EML6: variants seen among roughly 807,000 people sequenced by gnomAD.
The protein encoded by EML6 is echinoderm microtubule-associated protein-like 6.
In EML6, 154 loss-of-function variants were observed where a neutral mutation model predicts 240.1. The ratio of observed to expected loss-of-function variants is 0.64; its 90% confidence interval spans 0.56 to 0.73. EML6 has a LOEUF of 0.73. EML6 is among the 30% of genes least tolerant of loss of function. EML6 has a pLI of 0.00. For missense variants in EML6, 2,964 were observed against 2,474.6 expected (o/e 1.20, Z -4.20); for synonymous variants, 1,148 against 899.0 (o/e 1.28, Z -4.95).
intron 26 of EML6, among the ~76,000 whole-genome samples, chr2:54,922,049 A>G (rs934564436): frequency 1.3e-5 from 2 of 152,230 alleles, no homozygotes; most frequent in African/African-American, 4.8e-5. Flanking sequence ...AAGCACAAGC[A>G]AAAACAAAAG....
intron 28 of EML6, among the ~76,000 whole-genome samples, chr2:54,935,188 A>G (rs561784784): frequency 2.6e-5 from 4 of 152,282 alleles, no homozygotes; most frequent in African/African-American, 9.6e-5. Flanking sequence ...TCGTTTTTGT[A>G]GTACCACCAT....
chr2:54,968,465 G>T (rs1247778673), intron 40 of EML6, among the ~76,000 whole-genome samples, 184 bp downstream of exon 40: 1 of 152,320 alleles, frequency 6.6e-6, no homozygotes, highest in African/African-American at 2.4e-5. Flanking sequence ...GGAGGATGGA[G>T]GGTGGATAAA....
intron 2 of EML6, among the ~76,000 whole-genome samples, chr2:54,810,515 T>C (rs764880667): frequency 5.9e-5 from 9 of 152,206 alleles, no homozygotes; most frequent in Non-Finnish European, 8.8e-5. Flanking sequence ...ATCTCAAGAA[T>C]CTAACAAGTA....
intron 24 of EML6, 98 bp from the exon 25 acceptor site, chr2:54,910,856 G>A (rs1206818003): frequency 1.6e-6 from 1 of 617,374 alleles, no homozygotes; most frequent in African/African-American, 1.8e-5. Flanking sequence ...GTGAGACTTT[G>A]ATTAAAATGA....
chr2:54,785,969 G>A (rs1669064761), intron 2 of EML6, among the ~76,000 whole-genome samples: 1 of 151,862 alleles, frequency 6.6e-6, no homozygotes, highest in South Asian at 2.1e-4. Flanking sequence ...GTGTGTGTGT[G>A]CAATTTAGGG....
chr2:54,732,759 A>C (rs354237), intron 2 of EML6, among the ~76,000 whole-genome samples: 41,612 of 152,224 alleles, frequency 0.27, 6,774 homozygotes, highest in East Asian at 0.57. Context: ...AATGAGTGAC[A>C]TATAGATTTT....
intron 4 of EML6, among the ~76,000 whole-genome samples, chr2:54,819,151 T>C (rs1668210677): frequency 6.6e-6 from 1 of 152,196 alleles, no homozygotes; most frequent in African/African-American, 2.4e-5. Flanking sequence ...GGGACCATAA[T>C]TGCTCCTTTA....
intron 26 of EML6, among the ~76,000 whole-genome samples, chr2:54,926,842 G>A (rs750694126): frequency 1.3e-5 from 2 of 152,060 alleles, no homozygotes; most frequent in Non-Finnish European, 2.9e-5. Context: ...CTTAGAGTCT[G>A]TTTCCTTGAA....
At chr2:54,796,500 T>C (rs992945117) in intron 2 of EML6, among the ~76,000 whole-genome samples, 3 of 152,088 alleles carry the variant, frequency 2.0e-5, no homozygotes, top group Non-Finnish European at 4.4e-5. Context: ...AAGTTTTTTT[T>C]TTCTTTTTTT....
chr2:54,894,698 C>T (rs1672666961), intron 19 of EML6, among the ~76,000 whole-genome samples: 1 of 152,172 alleles, frequency 6.6e-6, no homozygotes, highest in African/African-American at 2.4e-5. Context: ...GCAGTGGACA[C>T]ATGCTGAGAA....
rs767028332 is a variant in EML6, at chr2:54,847,602, C to G, written c.1166C>G (p.Ser389Cys). 9.7e-6 allele frequency: 15 copies of G among 1,552,192 alleles called. No homozygotes were observed. The highest frequency in any genetic ancestry group is 1.4e-5 in the African/African-American group (1 of 73,030). The change falls in exon 9 of 42, where the codon TCT becomes TGT. Residue 389 changes from serine (S) to cysteine (C), a missense_variant. Transcript: ENST00000356458. ...CTGGCCCTGGGCATGAAGGACGGCT[C>G]TTTCATTGTTCTCCGAGTCAGGCAC... ...SQLALGMKDG[S>C]FIVLRVRDMT... is the part of the protein sequence containing the mutation.
chr2:54,832,373 C>T (rs889630216), intron 7 of EML6, among the ~76,000 whole-genome samples: 2 of 152,206 alleles, frequency 1.3e-5, no homozygotes, highest in African/African-American at 2.4e-5. Context: ...TCCAGAGCCA[C>T]CTTCCATAGC....
intron 6 of EML6, among the ~76,000 whole-genome samples, chr2:54,829,109 G>C (rs1668738075): frequency 6.6e-6 from 1 of 152,148 alleles, no homozygotes. Context: ...CTTTTTAGTA[G>C]TGGTAAAAGA....
In EML6 at chr2:54,949,988, A is replaced by G. The variant is rs532791559; in HGVS notation, c.4084-662A>G. ...TAAACCTTCCTGCAGTTCCCTGCCCACACCCCATCCTTCCACCTGCACAGT... is the reference window on the plus strand; with the variant it reads ...TAAACCTTCCTGCAGTTCCCTGCCCGCACCCCATCCTTCCACCTGCACAGT... On this transcript the variant is annotated intron_variant, in intron 29 of 41. Transcript: ENST00000356458. Among the ~76,000 whole-genome samples the G allele has an allele frequency of 5.3e-5, 8 of 152,278 alleles. No homozygotes were observed. The South Asian group carries it at 1.7e-3, about 32-fold the overall frequency.
chr2:54,739,389 A>G (rs1248188542), intron 2 of EML6, among the ~76,000 whole-genome samples: 1 of 152,210 alleles, frequency 6.6e-6, no homozygotes, highest in Admixed American at 6.5e-5. Context: ...CTTTTGAATG[A>G]TAGGAAATCT....
At chr2:54,874,608 T>A (rs975377054) in intron 16 of EML6, among the ~76,000 whole-genome samples, 1 of 152,168 alleles carries the variant, frequency 6.6e-6, no homozygotes, top group African/African-American at 2.4e-5. Flanking sequence ...TCTGATAGTT[T>A]TAGAAAGTAC....
At chr2:54,939,492 C>CA (rs1675316025) in intron 28 of EML6, among the ~76,000 whole-genome samples, 1 of 152,194 alleles carries the variant, frequency 6.6e-6, no homozygotes, top group African/African-American at 2.4e-5. Context: ...CAACAGTCCC[C>CA]ATGGACGAGG....
intron 16 of EML6, among the ~76,000 whole-genome samples, chr2:54,878,192 A>G (rs993971264): frequency 6.6e-6 from 1 of 152,244 alleles, no homozygotes; most frequent in Admixed American, 6.5e-5. Flanking sequence ...AAGGTTTTCT[A>G]TATTTTATCT....
At chr2:54,961,028 A>T (rs1676469658) in intron 35 of EML6, among the ~76,000 whole-genome samples, 1 of 151,928 alleles carries the variant, frequency 6.6e-6, no homozygotes, top group Non-Finnish European at 1.5e-5. Context: ...TGCTTTCTAG[A>T]TGCTGTCCAT....
Sources: allele counts gnomAD v4.1 joint callset (sites outside exome capture counted in the v4.1 genomes callset), GRCh38; gene constraint gnomAD v4.1.1; transcripts MANE v1.5; gene names NCBI Gene and HGNC (gene_info 2026-07-23, HGNC 2026-07-21).